SEC24D: variants seen among roughly 807,000 people sequenced by gnomAD.
SEC24D encodes the protein protein transport protein Sec24D.
In SEC24D, 69 loss-of-function variants were observed where a neutral mutation model predicts 116.9. The observed-to-expected ratio is 0.59, with a 90% confidence interval of 0.49 to 0.72. The LOEUF is 0.72. Among genes scored for constraint, SEC24D ranks in the 30% least tolerant of loss-of-function variants. The probability of loss-of-function intolerance (pLI) is 0.00; values close to 1 mark genes in which losing one functional copy is unlikely to be tolerated. For synonymous variants in SEC24D, 405 were observed against 442.8 expected (o/e 0.91, Z 1.07); for missense variants, 1,131 against 1,264.1 (o/e 0.89, Z 1.60).
intron 8 of SEC24D, among the ~76,000 whole-genome samples, chr4:118,795,081 A>G (rs1308048488): frequency 3.3e-5 from 5 of 152,124 alleles, no homozygotes; most frequent in African/African-American, 1.2e-4. Flanking sequence ...TTTTCATTGT[A>G]TGCCCTTTTC....
At chr4:118,739,019 C>A in intron 18 of SEC24D, 130 bp downstream of exon 18, 3 of 809,166 alleles carry the variant, frequency 3.7e-6, no homozygotes, top group East Asian at 2.5e-5. Flanking sequence ...TCTCTCTCAG[C>A]CTTTGCTTTT....
chr4:118,745,781 C>T (rs1331343167), intron 13 of SEC24D, among the ~76,000 whole-genome samples: 1 of 152,184 alleles, frequency 6.6e-6, no homozygotes, highest in East Asian at 1.9e-4. Flanking sequence ...TATTGTCCTT[C>T]CAACCCCTGC....
At chr4:118,756,537 T>G (rs577404178) in intron 11 of SEC24D, among the ~76,000 whole-genome samples, 1 of 152,268 alleles carries the variant, frequency 6.6e-6, no homozygotes, top group African/African-American at 2.4e-5. Flanking sequence ...CAGTCATATG[T>G]GCAAAGAATA....
chr4:118,832,734 G>C (rs924291028), intron 2 of SEC24D, among the ~76,000 whole-genome samples: 2 of 152,054 alleles, frequency 1.3e-5, no homozygotes, highest in Admixed American at 6.6e-5. Context: ...AAAGCTTTTA[G>C]GGCCAGATTT....
chr4:118,799,239 G>A (rs562498385), intron 7 of SEC24D, among the ~76,000 whole-genome samples: 7 of 152,154 alleles, frequency 4.6e-5, no homozygotes, highest in Non-Finnish European at 8.8e-5. Context: ...GTGAGAGAGC[G>A]TGATGGTCAA....
At chr4:118,783,183 C>T (rs1212312445) in intron 8 of SEC24D, among the ~76,000 whole-genome samples, 4 of 152,212 alleles carry the variant, frequency 2.6e-5, no homozygotes, top group Admixed American at 6.5e-5. Context: ...CCGTCTTCTG[C>T]GTCAATCACG....
chr4:118,731,318 T>C lies in SEC24D; in HGVS notation c.2866A>G (p.Met956Val). ...AAAGCAATGAAAATAATACTTACCA[T>C]ATCTGTGTTGATATGTGCAAAAGAT... ...VPSFAHINTD[M>V]TLLPEVGNPY... The change falls in exon 21 of 23, where the codon ATG (methionine) becomes GTG (valine). Residue 956 changes from methionine to valine, a missense_variant and splice_region_variant. Coordinates refer to ENST00000280551, the MANE Select transcript of SEC24D (RefSeq NM_014822.4). The C allele has an allele frequency of 2.5e-6, 4 of 1,611,082 alleles. No individual in the cohort carries two copies. Among genetic ancestry groups the C allele is most frequent in the Non-Finnish European group, 3.4e-6 (4 of 1,177,158 alleles).
intron 15 of SEC24D, among the ~76,000 whole-genome samples, chr4:118,742,793 A>G (rs960560013): frequency 3.3e-5 from 5 of 152,102 alleles, no homozygotes; most frequent in Non-Finnish European, 5.9e-5. Flanking sequence ...TACACCCCTG[A>G]CCCCTTCTCC....
At position 118,812,538 on chromosome 4, in the gene SEC24D, C is replaced by T. The variant is rs142168977; in HGVS notation, c.801+2490G>A. On this transcript the variant is annotated intron_variant, in intron 6 of 22. Transcript: ENST00000280551. ...TACAAGCAGCTGGACAGCGAGAGGA[C>T]GTGGAGGGAGAATGCCAGTGGAAGA... is the stretch of plus-strand genomic sequence containing the variant. Among the ~76,000 whole-genome samples, 619 of 152,138 alleles carry T rather than the reference C, an allele frequency of 4.1e-3. 3 individuals carry two copies. Among genetic ancestry groups the T allele is most frequent in the African/African-American group, 0.014 (574 of 41,510 alleles).
At chr4:118,770,034 C>A (rs969231908) in intron 8 of SEC24D, among the ~76,000 whole-genome samples, 2 of 152,142 alleles carry the variant, frequency 1.3e-5, no homozygotes, top group Non-Finnish European at 1.5e-5. Flanking sequence ...CTGAAGGCTA[C>A]CTGGTCAGTT....
At chr4:118,825,165 T>C (rs1730548152) in intron 2 of SEC24D, among the ~76,000 whole-genome samples, 3 of 152,050 alleles carry the variant, frequency 2.0e-5, no homozygotes. Context: ...AAACGGGGCA[T>C]GGGGGAGAAC....
At chr4:118,761,688 C>CT (rs1326481126) in intron 10 of SEC24D, among the ~76,000 whole-genome samples, 1 of 152,220 alleles carries the variant, frequency 6.6e-6, no homozygotes, top group Admixed American at 6.5e-5. Flanking sequence ...AATATACTCT[C>CT]TAATTATCCT....
intron 19 of SEC24D, among the ~76,000 whole-genome samples, chr4:118,735,061 T>C (rs1220358953): frequency 1.3e-5 from 2 of 152,230 alleles, no homozygotes; most frequent in Non-Finnish European, 2.9e-5. Flanking sequence ...TGGTTGCTTC[T>C]AATTAATGAG....
Position 118,728,667 on chromosome 4 carries a change from T to C in SEC24D, c.2869-17A>G, listed in dbSNP as rs767709341. On this transcript the variant is annotated splice_polypyrimidine_tract_variant and intron_variant, in intron 21 of 22. Transcript: ENST00000280551. The stretch of plus-strand genomic sequence containing the variant: ...CAGCAATGTCTTAGATTTAAGAAAA[T>C]CAAAGTTTTAGTACAGTTTATAACA... 1 of 1,495,940 alleles carries C rather than the reference T, an allele frequency of 6.7e-7. No individual in the cohort carries two copies. The highest frequency in any genetic ancestry group is 9.3e-7 in the Non-Finnish European group (1 of 1,079,180). The allele number at this position is 1,495,940 out of a possible 1,614,324, so 92.7% of individuals were successfully genotyped here.
chr4:118,751,374 C>T (rs1014555285), intron 13 of SEC24D, among the ~76,000 whole-genome samples: 1 of 152,044 alleles, frequency 6.6e-6, no homozygotes, highest in Non-Finnish European at 1.5e-5. Context: ...GACGGGGTTT[C>T]TCCATGTTGG....
At chr4:118,794,129 C>T (rs1302920531) in intron 8 of SEC24D, among the ~76,000 whole-genome samples, 1 of 152,162 alleles carries the variant, frequency 6.6e-6, no homozygotes, top group Non-Finnish European at 1.5e-5. Flanking sequence ...AAATAGAAAC[C>T]ATACCCACTC....
At chr4:118,831,148 A>C (rs1267798031) in intron 2 of SEC24D, among the ~76,000 whole-genome samples, 1 of 152,048 alleles carries the variant, frequency 6.6e-6, no homozygotes, top group Non-Finnish European at 1.5e-5. Flanking sequence ...TAGCCTCCCA[A>C]ATAGCTGAGA....
rs187155678 is a variant in SEC24D at position 118,834,169 on chromosome 4, C to T, written c.-41-432G>A. On this transcript the variant is annotated intron_variant, in intron 1 of 22. Transcript: ENST00000280551. ...CAATCAGATGTTTTATGACTTACGT[C>T]TTTTTAGTGCTCATCTAATTAATTA... Among the ~76,000 whole-genome samples the T allele has an allele frequency of 4.1e-3, 617 of 152,306 alleles. 4 individuals carry two copies. The highest frequency in any genetic ancestry group is 0.014 in the African/African-American group (577 of 41,574).
At chr4:118,769,443 G>A (rs1727796498) in intron 8 of SEC24D, among the ~76,000 whole-genome samples, 1 of 152,086 alleles carries the variant, frequency 6.6e-6, no homozygotes, top group Non-Finnish European at 1.5e-5. Flanking sequence ...TGCAGGCTTT[G>A]GCATGTCAAT....
Sources: gnomAD v4.1 joint callset for allele counts (sites outside exome capture counted in the v4.1 genomes callset) on GRCh38, gnomAD v4.1.1 for gene constraint, MANE v1.5 for transcripts, NCBI Gene and HGNC (gene_info 2026-07-23, HGNC 2026-07-21) for gene names.